Variants in PRKN observed in about 807,000 individuals in gnomAD.
PRKN encodes the protein parkin RBR E3 ubiquitin protein ligase, also known as E3 ubiquitin-protein ligase parkin.
Under a neutral mutation model 59.5 loss-of-function variants are expected in PRKN, and 56 were observed. The ratio of observed to expected loss-of-function variants is 0.94; its 90% CI spans 0.76 to 1.18. The LOEUF (loss-of-function observed/expected upper bound fraction) is 1.18, where lower values mean the gene tolerates loss of function less well. PRKN is among the 50% of genes most tolerant of loss of function. PRKN has a pLI of 0.00. For missense variants in PRKN, 657 were observed against 596.4 expected (o/e 1.10, Z -1.06); for synonymous variants, 250 against 222.1 (o/e 1.13, Z -1.12).
chr6:161,620,024 C>A (rs1164548922), intron 7 of PRKN, among the ~76,000 whole-genome samples: 1 of 107,044 alleles, frequency 9.3e-6, no homozygotes, highest in East Asian at 3.0e-4. Context: ...GAGTCTTGCT[C>A]TGTCTCCCAG....
chr6:162,581,849 C>T (rs1780805696), intron 1 of PRKN, among the ~76,000 whole-genome samples: 1 of 152,176 alleles, frequency 6.6e-6, no homozygotes, highest in African/African-American at 2.4e-5. Context: ...ACTATCTGCA[C>T]ATTTTCCCCT....
Position 162,216,748 on chromosome 6 carries a change from G to A in PRKN, c.413-15496C>T, listed in dbSNP as rs140346628. 1.9e-3 allele frequency among the ~76,000 whole-genome samples: 283 copies of A among 152,108 alleles called. 2 individuals are homozygous for A. The highest frequency in any genetic ancestry group is 6.5e-3 in the African/African-American group (268 of 41,478). On this transcript the variant is annotated intron_variant, in intron 3 of 11. Coordinates refer to ENST00000366898, the MANE Select transcript of PRKN (RefSeq NM_004562.3). ...GACACTTTGATGAACAGCCACTCAC[G>A]GACACAGTGAGCCCATCATGAGATG...
intron 6 of PRKN, among the ~76,000 whole-genome samples, chr6:161,930,551 G>A (rs1211689291): frequency 3.9e-5 from 6 of 152,174 alleles, no homozygotes. Context: ...AATACTAAAT[G>A]TTCTTGCCCA....
At chr6:161,774,382 GCA>G (rs3220723) in intron 7 of PRKN, among the ~76,000 whole-genome samples, 11,425 of 130,742 alleles carry the variant, frequency 0.087, 629 homozygotes, top group African/African-American at 0.1. Flanking sequence ...TACTCCCTGA[GCA>G]CACACACACA....
At chr6:162,580,205 G>T (rs2128211052) in intron 1 of PRKN, among the ~76,000 whole-genome samples, 1 of 152,262 alleles carries the variant, frequency 6.6e-6, no homozygotes, top group African/African-American at 2.4e-5. Flanking sequence ...GGGAGGCTGA[G>T]GCAAGCAGAC....
At chr6:161,674,836 C>G (rs1328296308) in intron 7 of PRKN, among the ~76,000 whole-genome samples, 1 of 152,212 alleles carries the variant, frequency 6.6e-6, no homozygotes, top group Admixed American at 6.5e-5. Flanking sequence ...AAGAGTTGGT[C>G]TCTGCACAGC....
chr6:161,476,189 G>GAA (rs11418009), intron 9 of PRKN, among the ~76,000 whole-genome samples: 58 of 143,102 alleles, frequency 4.1e-4, no homozygotes, highest in African/African-American at 1.2e-3. Flanking sequence ...TCTGTCTCAG[G>GAA]AAAAAAAAAA....
chr6:162,686,627 C>CCTAG (rs1431548134), intron 1 of PRKN, among the ~76,000 whole-genome samples: 1 of 152,046 alleles, frequency 6.6e-6, no homozygotes, highest in Non-Finnish European at 1.5e-5. Flanking sequence ...TAAAAGGTAG[C>CCTAG]CTAGCTAGGC....
Position 161,349,399 on chromosome 6 carries a change from A to G in PRKN, c.*700T>C, listed in dbSNP as rs1784435768. The G allele has an allele frequency of 8.6e-6, 2 of 231,644 alleles. No homozygotes were observed. The highest frequency in any genetic ancestry group is 1.7e-5 in the Non-Finnish European group (2 of 117,208). The allele number at this position is 231,644 out of a possible 1,614,324, so 14.3% of individuals were successfully genotyped here. A position where few individuals can be genotyped will look rare whatever the true frequency, so the allele number is the denominator to read the frequency against. ...CTTCCCTGTAATTCAAACATTCAAC[A>G]TTCAAATTAACTTTCATAATTTCTC... On this transcript the variant is annotated 3_prime_UTR_variant, in exon 12 of 12. Transcript: ENST00000366898. This position sits in a 1 kb window ranked among gnomAD's most constrained non-coding sequence, Gnocchi z 5.5.
chr6:161,495,983 G>A (rs973904763), intron 9 of PRKN, among the ~76,000 whole-genome samples: 2 of 152,186 alleles, frequency 1.3e-5, no homozygotes, highest in Non-Finnish European at 2.9e-5. Flanking sequence ...TAATGTTGGT[G>A]TTCGTTCTAG....
chr6:161,717,775 G>T (rs1304827451), intron 7 of PRKN, among the ~76,000 whole-genome samples: 1 of 152,156 alleles, frequency 6.6e-6, no homozygotes, highest in Non-Finnish European at 1.5e-5. Flanking sequence ...GAGGAAGGGG[G>T]TGCCTGTGTG....
At chr6:162,419,717 A>G (rs1315921730) in intron 2 of PRKN, among the ~76,000 whole-genome samples, 1 of 152,104 alleles carries the variant, frequency 6.6e-6, no homozygotes, top group Non-Finnish European at 1.5e-5. Context: ...TCTCATATAA[A>G]CATCCATGAC....
At chr6:162,610,459 C>A (rs1336255396) in intron 1 of PRKN, among the ~76,000 whole-genome samples, 1 of 152,198 alleles carries the variant, frequency 6.6e-6, no homozygotes, top group Non-Finnish European at 1.5e-5. Context: ...CAACCATGTC[C>A]TGCTACGATT....
Position 161,386,700 on chromosome 6 carries a change from T to C in PRKN, c.1167+94A>G. ...AGCTACCAGTCTGCTTCTTGCTTTT[T>C]TAGAATGGAACTCTCCATGACCTCC... On this transcript the variant is annotated intron_variant, in intron 10 of 11. Transcript: ENST00000366898. The surrounding 1 kb of genome is among the most constrained non-coding windows in gnomAD (Gnocchi z 4.3). 9.9e-7 allele frequency: 1 copy of C among 1,009,870 alleles called. No individual in the cohort carries two copies. The highest frequency in any genetic ancestry group is 1.6e-6 in the Non-Finnish European group (1 of 629,758). The allele number at this position is 1,009,870 out of a possible 1,614,324, so 62.6% of individuals were successfully genotyped here.
At chr6:161,801,411 A>C (rs1252025027) in intron 6 of PRKN, among the ~76,000 whole-genome samples, 2 of 152,146 alleles carry the variant, frequency 1.3e-5, no homozygotes, top group Admixed American at 6.5e-5. Context: ...GGGCCTGGGG[A>C]CCCATCCATG....
chr6:162,622,095 G>C (rs1163101992), intron 1 of PRKN, among the ~76,000 whole-genome samples: 1 of 151,774 alleles, frequency 6.6e-6, no homozygotes, highest in Non-Finnish European at 1.5e-5. Flanking sequence ...TTACAGGCTT[G>C]AGCCACCGCA....
At chr6:162,448,008 TCAGA>T (rs1414803639) in intron 1 of PRKN, among the ~76,000 whole-genome samples, 3 of 152,130 alleles carry the variant, frequency 2.0e-5, no homozygotes, top group Non-Finnish European at 2.9e-5. Context: ...ATGTGATGCC[TCAGA>T]CAGTTTTGCT....
In PRKN at chr6:162,386,241, T is replaced by C. The variant is rs572184397; in HGVS notation, c.171+57069A>G. On this transcript the variant is annotated intron_variant, in intron 2 of 11. Transcript: ENST00000366898. ...GCAAAATGCTAACTAAGTGAGGTAA[T>C]ACATTTGATAATTTGCTAAATTTAA... Among the ~76,000 whole-genome samples the C allele has an allele frequency of 3.3e-5, 5 of 152,294 alleles. No homozygotes were observed. In the South Asian group the frequency reaches 1.0e-3, roughly 32 times the overall value.
chr6:162,520,300 G>T (rs571073494), intron 1 of PRKN, among the ~76,000 whole-genome samples: 1 of 152,158 alleles, frequency 6.6e-6, no homozygotes, highest in Non-Finnish European at 1.5e-5. Context: ...TTTAGTATAA[G>T]AACCAGTTGC....
Sources: allele counts gnomAD v4.1 joint callset (sites outside exome capture counted in the v4.1 genomes callset), GRCh38; gene constraint gnomAD v4.1.1; non-coding constraint Gnocchi (gnomAD v3.1); transcripts MANE v1.5; gene names NCBI Gene and HGNC (gene_info 2026-07-23, HGNC 2026-07-21).